SLC35F3: variants seen among roughly 807,000 people sequenced by gnomAD.
SLC35F3 encodes the protein putative thiamine transporter SLC35F3.
A neutral mutation model predicts 49.9 loss-of-function variants in SLC35F3; 25 were observed. The ratio of observed to expected loss-of-function variants is 0.50; its 90% CI spans 0.37 to 0.70. The LOEUF (loss-of-function observed/expected upper bound fraction) is 0.70, where lower values mean the gene tolerates loss of function less well. SLC35F3 is among the 30% of genes least tolerant of loss of function. SLC35F3 has a pLI of 0.00. For synonymous variants in SLC35F3, 275 were observed against 265.4 expected, an observed-to-expected ratio of 1.04 and a Z score of -0.35; for missense variants, 525 against 639.8, an observed-to-expected ratio of 0.82 and a Z score of 1.94.
rs1165791093 is a variant in SLC35F3 at position 233,995,386 on chromosome 1, G to A, written c.283+89628G>A. Among the ~76,000 whole-genome samples the A allele has an allele frequency of 4.0e-5, 6 of 151,108 alleles. No homozygotes were observed. The South Asian group carries it at 1.0e-3, about 26-fold the overall frequency. Reference sequence around the variant, plus strand: ...CATGATTGCAAGCTGTGGAGATAGAGGGTGGGAGCCCCTGGCCAGATGGAT... The same window carrying A: ...CATGATTGCAAGCTGTGGAGATAGAAGGTGGGAGCCCCTGGCCAGATGGAT... On this transcript the variant is annotated intron_variant, in intron 2 of 7. Transcript: ENST00000366618.
chr1:234,102,302 C>T (rs931641958), intron 2 of SLC35F3, among the ~76,000 whole-genome samples: 4 of 152,206 alleles, frequency 2.6e-5, no homozygotes, highest in South Asian at 2.1e-4. Flanking sequence ...GATTCAGACC[C>T]GGATCAGGTT....
intron 2 of SLC35F3, among the ~76,000 whole-genome samples, chr1:234,050,581 G>A (rs1664361522): frequency 1.3e-5 from 2 of 152,282 alleles, no homozygotes; most frequent in South Asian, 4.1e-4. Flanking sequence ...TTCCCATTCT[G>A]TAAGTTGCCT....
chr1:234,099,353 T>C (rs1665179793), intron 2 of SLC35F3, among the ~76,000 whole-genome samples: 1 of 152,140 alleles, frequency 6.6e-6, no homozygotes, highest in South Asian at 2.1e-4. Context: ...GGCTCACGCC[T>C]GTAATCCCAG....
intron 2 of SLC35F3, among the ~76,000 whole-genome samples, chr1:234,045,806 T>A (rs768266311): frequency 1.3e-5 from 2 of 152,106 alleles, no homozygotes; most frequent in African/African-American, 2.4e-5. Flanking sequence ...TGTTTATCAT[T>A]TCCATGCATA....
intron 2 of SLC35F3, among the ~76,000 whole-genome samples, chr1:234,135,260 T>C (rs1665793603): frequency 1.3e-5 from 2 of 152,208 alleles, no homozygotes; most frequent in South Asian, 4.1e-4. Flanking sequence ...GACAAGTGCT[T>C]GAGGTAATAG....
intron 2 of SLC35F3, among the ~76,000 whole-genome samples, chr1:233,929,599 A>G (rs4920237): frequency 0.47 from 71,320 of 151,984 alleles, 17,005 homozygotes; most frequent in Admixed American, 0.62. Flanking sequence ...CTTTGGATTA[A>G]TTATGTTGAA....
chr1:234,174,250 G>C (rs929657086), intron 2 of SLC35F3, among the ~76,000 whole-genome samples: 36 of 152,224 alleles, frequency 2.4e-4, no homozygotes, highest in Non-Finnish European at 4.0e-4. Flanking sequence ...TGTGTACCCT[G>C]AGAACAAGCA....
chr1:234,015,860 C>G (rs932351520), intron 2 of SLC35F3, among the ~76,000 whole-genome samples: 1 of 152,222 alleles, frequency 6.6e-6, no homozygotes, highest in East Asian at 1.9e-4. Context: ...AAAGTGAGGA[C>G]ACAGTCTACA....
At chr1:234,043,823 A>G (rs903387096) in intron 2 of SLC35F3, among the ~76,000 whole-genome samples, 1 of 152,230 alleles carries the variant, frequency 6.6e-6, no homozygotes, top group East Asian at 1.9e-4. Flanking sequence ...TATTTACTCA[A>G]TATGGGTTTT....
chr1:234,286,732 G>C (rs1233977191), intron 3 of SLC35F3, among the ~76,000 whole-genome samples: 1 of 152,190 alleles, frequency 6.6e-6, no homozygotes, highest in East Asian at 1.9e-4. Context: ...GTTTTAAGAA[G>C]TAGAATTAGG....
Position 234,318,873 on chromosome 1 carries a change from A to G in SLC35F3, c.1077A>G (p.Lys359=). The G allele has an allele frequency of 6.2e-7, 1 of 1,614,158 alleles. No individual in the cohort carries two copies. The stretch of plus-strand genomic sequence containing the variant: ...TTCCTATTATCCTCTACTTTACCAA[A>G]GTGGAATACTGGAGCTCTTTTGATG... The part of the protein sequence containing the change: ...TCIPIILYFT[K]VEYWSSFDDI... The change falls in exon 6 of 8, where the codon AAA becomes AAG. Residue 359 remains lysine, a synonymous_variant. Coordinates refer to ENST00000366618, the MANE Select transcript of SLC35F3 (RefSeq NM_173508.4).
At chr1:234,066,848 A>T (rs990021364) in intron 2 of SLC35F3, among the ~76,000 whole-genome samples, 6 of 149,302 alleles carry the variant, frequency 4.0e-5, no homozygotes, top group African/African-American at 7.4e-5. Flanking sequence ...ACACACACAC[A>T]CACACACACA....
chr1:233,951,143 T>G (rs1662600770), intron 2 of SLC35F3, among the ~76,000 whole-genome samples: 1 of 151,426 alleles, frequency 6.6e-6, no homozygotes, highest in African/African-American at 2.4e-5. Context: ...TAAATCAGGG[T>G]TTTGAAAGAA....
At chr1:234,284,030 G>C (rs1668370304) in intron 3 of SLC35F3, among the ~76,000 whole-genome samples, 2 of 152,112 alleles carry the variant, frequency 1.3e-5, no homozygotes, top group South Asian at 4.2e-4. Flanking sequence ...CTCAGCACCA[G>C]GAGTAGCTGG....
At chr1:234,227,698 G>A (rs1444920025) in intron 2 of SLC35F3, among the ~76,000 whole-genome samples, 3 of 152,100 alleles carry the variant, frequency 2.0e-5, no homozygotes, top group Non-Finnish European at 2.9e-5. Context: ...GTGCCCGGCC[G>A]GCACTGCCTC....
chr1:233,992,858 A>G (rs4379722), intron 2 of SLC35F3, among the ~76,000 whole-genome samples: 42,022 of 151,928 alleles, frequency 0.28, 6,044 homozygotes, highest in East Asian at 0.49. Flanking sequence ...AAGGAGAGAA[A>G]ACAGAAATGG....
At chr1:233,941,737 T>C (rs910510808) in intron 2 of SLC35F3, among the ~76,000 whole-genome samples, 2 of 152,186 alleles carry the variant, frequency 1.3e-5, no homozygotes, top group African/African-American at 4.8e-5. Flanking sequence ...TAGTTTTCAT[T>C]TGATTATCCC....
intron 2 of SLC35F3, among the ~76,000 whole-genome samples, chr1:234,135,217 TGAAA>T (rs1278160882): frequency 3.9e-5 from 6 of 152,140 alleles, no homozygotes; most frequent in African/African-American, 1.4e-4. Flanking sequence ...TTAGTTATCA[TGAAA>T]GAGTGAATGA....
intron 3 of SLC35F3, among the ~76,000 whole-genome samples, chr1:234,240,137 A>G (rs1667530783): frequency 6.6e-6 from 1 of 152,192 alleles, no homozygotes; most frequent in Non-Finnish European, 1.5e-5. Context: ...ATGTCATAAA[A>G]TGATGCTGAT....
Sources: gnomAD v4.1 joint callset for allele counts (sites outside exome capture counted in the v4.1 genomes callset) on GRCh38, gnomAD v4.1.1 for gene constraint, MANE v1.5 for transcripts, NCBI Gene and HGNC (gene_info 2026-07-23, HGNC 2026-07-21) for gene names.